Variants in EIF5B observed in about 807,000 individuals in gnomAD.
EIF5B encodes eukaryotic translation initiation factor 5B, also known as eIF-5B.
A neutral mutation model predicts 147.5 loss-of-function variants in EIF5B; 47 were observed. The ratio of observed to expected loss-of-function variants is 0.32; its 90% CI spans 0.25 to 0.41. The LOEUF is 0.41. EIF5B is among the 10% of genes least tolerant of loss of function. The pLI is 1.00. For synonymous variants in EIF5B, 455 were observed against 456.2 expected (o/e 1.00, Z 0.03); for missense variants, 1,064 against 1,413.2 (o/e 0.75, Z 3.96).
chr2:99,398,696 G>C (rs1386074526), intron 22 of EIF5B, 52 bp from the exon 23 acceptor site: 5 of 1,554,090 alleles, frequency 3.2e-6, no homozygotes, highest in African/African-American at 2.7e-5. Context: ...CATGGCGCCT[G>C]TGATTGGCAT....
chr2:99,373,491 A>G (rs995202158), intron 9 of EIF5B, among the ~76,000 whole-genome samples: 3 of 152,180 alleles, frequency 2.0e-5, no homozygotes, highest in Non-Finnish European at 2.9e-5. Context: ...GCGTGAATCC[A>G]TTTATGAGAG....
At position 99,377,433 on chromosome 2, in the gene EIF5B, G is replaced by A. The variant is rs77997411; in HGVS notation, c.1842+797G>A. ...ATAATTCTTTGTTGTTGGGGACAGG[G>A]ACTGTTCTCTTCCTTGTATGATACC... On this transcript the variant is annotated intron_variant, in intron 10 of 23. Coordinates refer to ENST00000289371, the MANE Select transcript of EIF5B (RefSeq NM_015904.4). Among the ~76,000 whole-genome samples, 153 of 151,256 alleles carry A rather than the reference G, an allele frequency of 1.0e-3. 1 individual carries two copies. Among genetic ancestry groups the A allele is most frequent in the Middle Eastern group, 3.4e-3 (1 of 292 alleles).
chr2:99,399,674 T>G lies in EIF5B; in HGVS notation c.*260T>G, dbSNP rs1675158960. 2 of 371,714 alleles carry G rather than the reference T, an allele frequency of 5.4e-6. No individual in the cohort carries two copies. Among genetic ancestry groups the G allele is most frequent in the Admixed American group, 3.8e-5 (1 of 26,634 alleles). The allele number at this position is 371,714 out of a possible 1,614,324, so 23.0% of individuals were successfully genotyped here. A position where few individuals can be genotyped will look rare whatever the true frequency, so the allele number is the denominator to read the frequency against. On this transcript the variant is annotated 3_prime_UTR_variant, in exon 24 of 24. Coordinates refer to ENST00000289371, the MANE Select transcript of EIF5B (RefSeq NM_015904.4). ...CTTCCCCAACCCTTCTCTACTTGGC[T>G]GCTGTTTTAAAGTTTGCCCTTCCCC...
intron 14 of EIF5B, among the ~76,000 whole-genome samples, chr2:99,389,317 T>A (rs1471498707): frequency 1.3e-5 from 2 of 152,210 alleles, no homozygotes; most frequent in Non-Finnish European, 2.9e-5. Flanking sequence ...AATAGGCTGT[T>A]CCCTTAGAAA....
intron 6 of EIF5B, among the ~76,000 whole-genome samples, chr2:99,365,590 A>AG (rs1353589375): frequency 6.6e-6 from 1 of 152,226 alleles, no homozygotes; most frequent in Non-Finnish European, 1.5e-5. Flanking sequence ...GGGACCAAGC[A>AG]GGGAGTAATT....
intron 8 of EIF5B, 135 bp downstream of exon 8, chr2:99,369,616 T>C: frequency 1.7e-6 from 1 of 585,242 alleles, no homozygotes; most frequent in Non-Finnish European, 2.9e-6. Flanking sequence ...TCTTTCTTCA[T>C]AGTTCTTTCT....
At chr2:99,359,945 A>G (rs987603169) in intron 1 of EIF5B, among the ~76,000 whole-genome samples, 9 of 152,236 alleles carry the variant, frequency 5.9e-5, no homozygotes, top group African/African-American at 2.2e-4. Flanking sequence ...CAGACGCACA[A>G]AAAACCTTTG....
Position 99,337,389 on chromosome 2 carries a change from A to T in EIF5B, c.-166A>T. On this transcript the variant is annotated 5_prime_UTR_variant, in exon 1 of 24. Transcript: ENST00000289371. ...CGATGCGCTTGCGCACTGAGAACTC[A>T]CACCATATGTGTCCTGTTCCAGTGC... 1.2e-6 allele frequency: 1 copy of T among 821,414 alleles called. No homozygotes were observed. Among genetic ancestry groups the T allele is most frequent in the Non-Finnish European group, 2.0e-6 (1 of 511,502 alleles). 50.9% of individuals were successfully genotyped at this position (821,414 alleles called of 1,614,324 possible).
At chr2:99,387,407 T>C (rs943809996) in intron 14 of EIF5B, among the ~76,000 whole-genome samples, 2 of 152,202 alleles carry the variant, frequency 1.3e-5, no homozygotes, top group Non-Finnish European at 2.9e-5. Context: ...AAAGACTCTT[T>C]GCTGAAAAAA....
rs1483422845 is a variant in EIF5B at position 99,400,115 on chromosome 2, A to AGTT, written c.*704_*706dup. ...ATGTTAGTGTAGCTTCTCTCCCACA[A>AGTT]GTTGTCCTCCTAGGACAAGAATTAT... On this transcript the variant is annotated 3_prime_UTR_variant, in exon 24 of 24. Transcript: ENST00000289371. The AGTT allele has an allele frequency of 6.6e-6, 1 of 152,248 alleles. No individual in the cohort carries two copies. The highest frequency in any genetic ancestry group is 2.4e-5 in the African/African-American group (1 of 41,454). The allele number at this position is 152,248 out of a possible 1,614,324, so 9.4% of individuals were successfully genotyped here. A position where few individuals can be genotyped will look rare whatever the true frequency, so the allele number is the denominator to read the frequency against.
intron 17 of EIF5B, among the ~76,000 whole-genome samples, chr2:99,391,729 CTT>C (rs759464054): frequency 1.0e-4 from 13 of 129,792 alleles, no homozygotes; most frequent in East Asian, 2.2e-4. Context: ...ATAGCTGGCT[CTT>C]TTTTTTTTTT....
chr2:99,373,167 T>G (rs1292797349), intron 9 of EIF5B, among the ~76,000 whole-genome samples: 1 of 152,256 alleles, frequency 6.6e-6, no homozygotes, highest in South Asian at 2.1e-4. Context: ...AGCTTTGATT[T>G]ACATGATCTT....
At chr2:99,373,630 A>AT (rs914513739) in intron 9 of EIF5B, among the ~76,000 whole-genome samples, 1 of 152,048 alleles carries the variant, frequency 6.6e-6, no homozygotes, top group Non-Finnish European at 1.5e-5. Flanking sequence ...TCTAGTTGAG[A>AT]TTTTTTCAAT....
intron 21 of EIF5B, 56 bp from the exon 22 acceptor site, chr2:99,396,704 C>T (rs1172740807): frequency 9.1e-6 from 14 of 1,534,570 alleles, no homozygotes; most frequent in Admixed American, 8.7e-5. Context: ...TGCAGTTTTT[C>T]TTTTTATGTT....
intron 8 of EIF5B, among the ~76,000 whole-genome samples, chr2:99,371,339 T>A (rs1674442904): frequency 6.6e-6 from 1 of 151,856 alleles, no homozygotes; most frequent in Non-Finnish European, 1.5e-5. Context: ...ATACAAAAAA[T>A]TAGCTGGCCA....
chr2:99,378,331 A>G (rs1018336605), intron 10 of EIF5B, among the ~76,000 whole-genome samples: 1 of 152,208 alleles, frequency 6.6e-6, no homozygotes, highest in Non-Finnish European at 1.5e-5. Context: ...TTCAAAGAAA[A>G]CCTATTGCTG....
chr2:99,390,685 A>G lies in EIF5B; in HGVS notation c.2728A>G (p.Met910Val). The part of the protein sequence containing the change: ...QIRGLLLPPP[M>V]KELRVKNQYE... Reference sequence around the variant, plus strand: ...TCGAGGCCTCCTGTTACCTCCTCCTATGAAGGAATTACGAGTGAAGGTATG... The same window carrying G: ...TCGAGGCCTCCTGTTACCTCCTCCTGTGAAGGAATTACGAGTGAAGGTATG... The change falls in exon 17 of 24, where the codon ATG (methionine) becomes GTG (valine). Residue 910 changes from methionine to valine, a missense_variant. Met to Val is a conservative substitution (Grantham distance 21). This residue lies in a region of EIF5B where 380 missense variants were observed against 715.6 expected (regional missense o/e 0.53). Coordinates refer to ENST00000289371, the MANE Select transcript of EIF5B (RefSeq NM_015904.4). 6.2e-7 allele frequency: 1 copy of G among 1,604,712 alleles called. No individual in the cohort carries two copies. Among genetic ancestry groups the G allele is most frequent in the Non-Finnish European group, 8.5e-7 (1 of 1,172,152 alleles).
At chr2:99,376,866 C>A (rs1307582124) in intron 10 of EIF5B, among the ~76,000 whole-genome samples, 1 of 152,094 alleles carries the variant, frequency 6.6e-6, no homozygotes. Flanking sequence ...TCATTTTTTT[C>A]TTGTTTTCTC....
rs571700410 is a variant in EIF5B, at chr2:99,337,418, G to C, written c.-137G>C. ...CATATGTGTCCTGTTCCAGTGCGCGGGTCTGTGGAGAGCCGGGTGCGAGCG... is the reference window on the plus strand; with the variant it reads ...CATATGTGTCCTGTTCCAGTGCGCGCGTCTGTGGAGAGCCGGGTGCGAGCG... On this transcript the variant is annotated 5_prime_UTR_variant, in exon 1 of 24. Transcript: ENST00000289371. The C allele has an allele frequency of 6.5e-6, 7 of 1,070,878 alleles. No individual in the cohort carries two copies. Among genetic ancestry groups the C allele is most frequent in the South Asian group, 1.4e-5 (1 of 74,038 alleles). The allele number at this position is 1,070,878 out of a possible 1,614,324, so 66.3% of individuals were successfully genotyped here.
Sources: gnomAD v4.1 joint callset for allele counts (sites outside exome capture counted in the v4.1 genomes callset) on GRCh38, gnomAD v4.1.1 for gene constraint, gnomAD v4.1.1 regional missense constraint, MANE v1.5 for transcripts, NCBI Gene and HGNC (gene_info 2026-07-23, HGNC 2026-07-21) for gene names.